Variants in ABLIM3 observed in about 807,000 individuals in gnomAD.
ABLIM3 encodes the protein actin-binding LIM protein 3.
ABLIM3 carries 61 observed loss-of-function variants against 109.5 expected under a neutral mutation model. That is an observed-to-expected ratio of 0.56 (90% CI 0.45 to 0.69). ABLIM3 has a LOEUF of 0.69. Ranked by LOEUF, ABLIM3 falls within the 30% of genes least tolerant of loss-of-function variation. ABLIM3 has a pLI of 0.00. For missense variants in ABLIM3, 796 were observed against 889.5 expected, an observed-to-expected ratio of 0.89 and a Z score of 1.34; for synonymous variants, 300 against 324.8, an observed-to-expected ratio of 0.92 and a Z score of 0.82.
chr5:149,172,549 T>G (rs989029103), intron 2 of ABLIM3, among the ~76,000 whole-genome samples: 28 of 152,322 alleles, frequency 1.8e-4, no homozygotes, highest in Middle Eastern at 6.8e-3. Context: ...GGTGAGCATG[T>G]GACTTCCCTC....
intron 2 of ABLIM3, among the ~76,000 whole-genome samples, chr5:149,172,743 C>T (rs1329506903): frequency 6.6e-6 from 1 of 152,200 alleles, no homozygotes; most frequent in Non-Finnish European, 1.5e-5. Flanking sequence ...CCCAGATTCT[C>T]CAGATTGGTC....
intron 15 of ABLIM3, chr5:149,244,017 C>T (rs2127563440): frequency 6.6e-6 from 1 of 152,442 alleles, no homozygotes; most frequent in East Asian, 1.9e-4. Flanking sequence ...GCCACTCTGG[C>T]TCCACAGAGC....
chr5:149,249,833 T>C lies in ABLIM3; in HGVS notation c.1718T>C (p.Leu573Pro), dbSNP rs750021946. Reference protein sequence around the residue: ...SLNGSPRSHYLADSDPLISKS... With the variant: ...SLNGSPRSHYPADSDPLISKS... ...CCTGCAGCCCCTCGGTCGCACTACC[T>C]GGCTGACAGTGGTAAGTTCTACCTG... The change falls in exon 19 of 24, where the codon CTG becomes CCG. Residue 573 changes from leucine (L) to proline (P), a missense_variant. Physicochemically the swap from Leu to Pro is moderately conservative, Grantham distance 98. Coordinates refer to ENST00000309868, the MANE Select transcript of ABLIM3 (RefSeq NM_014945.5). 3.1e-6 allele frequency: 5 copies of C among 1,614,088 alleles called. No homozygotes were observed. The highest frequency in any genetic ancestry group is 4.2e-6 in the Non-Finnish European group (5 of 1,180,016).
chr5:149,249,309 C>T (rs544153953), intron 18 of ABLIM3, among the ~76,000 whole-genome samples: 3 of 152,244 alleles, frequency 2.0e-5, no homozygotes, highest in Non-Finnish European at 4.4e-5. Flanking sequence ...TGCTAAGTAT[C>T]TTACTGTATT....
At chr5:149,257,299 CAA>C (rs11458045) in intron 23 of ABLIM3, among the ~76,000 whole-genome samples, 12 of 136,272 alleles carry the variant, frequency 8.8e-5, no homozygotes, top group Non-Finnish European at 1.1e-4. Flanking sequence ...AACTCTGTCT[CAA>C]AAAAAAAAAA....
Position 149,250,524 on chromosome 5 carries a change from G to A in ABLIM3, c.1788+19G>A, listed in dbSNP as rs1423400874. The A allele has an allele frequency of 6.2e-7, 1 of 1,613,968 alleles. No homozygotes were observed. ...GCACAGGGTAAGAAGCTGTGCTGGA[G>A]GATGGGGGAGGACGTTGTCCCCAAA... On this transcript the variant is annotated intron_variant, in intron 20 of 23. Coordinates refer to ENST00000309868, the MANE Select transcript of ABLIM3 (RefSeq NM_014945.5).
chr5:149,247,274 C>G (rs73275737), intron 17 of ABLIM3, among the ~76,000 whole-genome samples: 15,715 of 152,168 alleles, frequency 0.1, 2,142 homozygotes, highest in African/African-American at 0.32. Context: ...ACATAGATTG[C>G]TGGTTCCCAG....
At chr5:149,241,849 G>A (rs531586789) in intron 14 of ABLIM3, among the ~76,000 whole-genome samples, 19 of 152,282 alleles carry the variant, frequency 1.2e-4, no homozygotes, top group East Asian at 1.9e-4. Context: ...TCATGTGACC[G>A]CAGGTCATGA....
At chr5:149,246,695 G>A in intron 17 of ABLIM3, 149 bp downstream of exon 17, 1 of 844,128 alleles carries the variant, frequency 1.2e-6, no homozygotes, top group Non-Finnish European at 1.7e-6. Flanking sequence ...ATCAAATGGT[G>A]GAATTAGCTT....
intron 5 of ABLIM3, among the ~76,000 whole-genome samples, chr5:149,203,114 CCAT>C (rs1302096810): frequency 2.6e-5 from 4 of 151,908 alleles, no homozygotes; most frequent in African/African-American, 4.8e-5. Context: ...ACTACCCTCA[CCAT>C]CATCATCACT....
chr5:149,201,642 A>G (rs1164257592), intron 5 of ABLIM3, among the ~76,000 whole-genome samples: 1 of 152,188 alleles, frequency 6.6e-6, no homozygotes, highest in Non-Finnish European at 1.5e-5. Flanking sequence ...ATGCTCAAGA[A>G]TAGATTGCTG....
chr5:149,218,060 CG>C (rs1367642368), intron 8 of ABLIM3: 1 of 152,300 alleles, frequency 6.6e-6, no homozygotes, highest in East Asian at 1.9e-4. Flanking sequence ...GGCTCCCTGA[CG>C]AAGGGCCAGG....
chr5:149,178,283 C>CT (rs934524974), intron 2 of ABLIM3, among the ~76,000 whole-genome samples: 5 of 152,200 alleles, frequency 3.3e-5, no homozygotes, highest in Non-Finnish European at 5.9e-5. Context: ...TGTGAACACT[C>CT]TGAGTTTTGG....
chr5:149,212,947 A>G (rs1483980805), intron 7 of ABLIM3, among the ~76,000 whole-genome samples: 1 of 152,178 alleles, frequency 6.6e-6, no homozygotes, highest in Non-Finnish European at 1.5e-5. Flanking sequence ...CAACACAGTG[A>G]GACTTCATCT....
rs756807864 is a variant in ABLIM3 at position 149,230,707 on chromosome 5, G to C, written c.816G>C (p.Lys272Asn). 6.2e-7 allele frequency: 1 copy of C among 1,614,020 alleles called. No homozygotes were observed. Among genetic ancestry groups the C allele is most frequent in the Non-Finnish European group, 8.5e-7 (1 of 1,179,940 alleles). ...CAGCCCGGGCAGAGAAGAAGTTAAA[G>C]GTAAGCAAGCTAGTAGATTCCAGAC... ...KQAARAEKKL[K>N]HRRTSETSIS... The change falls in exon 9 of 24, where the codon AAG becomes AAC. Residue 272 changes from lysine (K) to asparagine (N), a missense_variant and splice_region_variant. Physicochemically the swap from Lys to Asn is moderately conservative, Grantham distance 94 (BLOSUM62 0). Transcript: ENST00000309868.
intron 7 of ABLIM3, 132 bp downstream of exon 7, chr5:149,210,951 A>AAGGT: frequency 2.5e-6 from 2 of 804,046 alleles, no homozygotes; most frequent in Non-Finnish European, 4.2e-6. Context: ...TTTGCTTGCT[A>AAGGT]CATGACCTTG....
intron 2 of ABLIM3, among the ~76,000 whole-genome samples, chr5:149,170,134 A>T (rs773639489): frequency 6.6e-6 from 1 of 151,822 alleles, no homozygotes; most frequent in Non-Finnish European, 1.5e-5. Flanking sequence ...CCCACCCTCC[A>T]GTGTACTATA....
At chr5:149,250,338 C>T (rs895998364) in intron 19 of ABLIM3, 109 bp from the exon 20 acceptor site, 4 of 1,111,224 alleles carry the variant, frequency 3.6e-6, no homozygotes, top group Non-Finnish European at 5.4e-6. Flanking sequence ...GGCCTCCACC[C>T]CTTCCTGCTA....
intron 6 of ABLIM3, among the ~76,000 whole-genome samples, chr5:149,210,165 G>A (rs1013482186): frequency 1.3e-5 from 2 of 152,146 alleles, no homozygotes; most frequent in African/African-American, 4.8e-5. Context: ...TGAGTACTCA[G>A]TATGGCTAGG....
Sources: allele counts gnomAD v4.1 joint callset (sites outside exome capture counted in the v4.1 genomes callset), GRCh38; gene constraint gnomAD v4.1.1; transcripts MANE v1.5; gene names NCBI Gene and HGNC (gene_info 2026-07-23, HGNC 2026-07-21).